MIPOL1: variants seen among roughly 807,000 people sequenced by gnomAD.
MIPOL1 encodes the protein mirror-image polydactyly 1, also known as mirror-image polydactyly gene 1 protein.
MIPOL1 carries 57 observed loss-of-function variants against 60.9 expected under a neutral mutation model. The ratio of observed to expected loss-of-function variants is 0.94; its 90% CI spans 0.76 to 1.17. The LOEUF is 1.17. MIPOL1 is among the 50% of genes most tolerant of loss of function. The pLI is 0.00. For missense variants in MIPOL1, 551 were observed against 511.6 expected, an observed-to-expected ratio of 1.08 and a Z score of -0.74; for synonymous variants, 179 against 168.8, an observed-to-expected ratio of 1.06 and a Z score of -0.47.
At chr14:37,471,038 A>C (rs2094681968) in intron 11 of MIPOL1, among the ~76,000 whole-genome samples, 1 of 152,154 alleles carries the variant, frequency 6.6e-6, no homozygotes. Flanking sequence ...CCCAGAATTC[A>C]CCACTACACA....
intron 9 of MIPOL1, among the ~76,000 whole-genome samples, chr14:37,309,514 C>T (rs556111456): frequency 6.6e-6 from 1 of 152,188 alleles, no homozygotes; most frequent in South Asian, 2.1e-4. Context: ...ATTGCAGCCT[C>T]TTATTTCCTA....
chr14:37,302,247 G>A (rs990261074), intron 7 of MIPOL1, among the ~76,000 whole-genome samples: 2 of 136,630 alleles, frequency 1.5e-5, no homozygotes, highest in Non-Finnish European at 3.1e-5. Context: ...GAATATACAA[G>A]CATTTGGAAC....
chr14:37,413,947 A>G (rs2093721526), intron 10 of MIPOL1, among the ~76,000 whole-genome samples: 2 of 152,200 alleles, frequency 1.3e-5, no homozygotes, highest in Non-Finnish European at 2.9e-5. Flanking sequence ...ACAAAATGTA[A>G]ATATTTACAA....
intron 10 of MIPOL1, among the ~76,000 whole-genome samples, chr14:37,402,335 C>T (rs895240813): frequency 3.3e-5 from 5 of 152,040 alleles, no homozygotes; most frequent in Non-Finnish European, 5.9e-5. Context: ...GGGAGATAAA[C>T]GTACCCCAAA....
intron 3 of MIPOL1, among the ~76,000 whole-genome samples, chr14:37,260,610 G>T (rs1009726981): frequency 1.3e-5 from 2 of 152,136 alleles, no homozygotes; most frequent in African/African-American, 4.8e-5. Context: ...TATGCTGTTT[G>T]TAGAAACAAT....
intron 9 of MIPOL1, among the ~76,000 whole-genome samples, chr14:37,315,508 A>C (rs1347888398): frequency 6.6e-6 from 1 of 152,198 alleles, no homozygotes; most frequent in Non-Finnish European, 1.5e-5. Context: ...GAACAAGTGT[A>C]GATCAAGAAA....
intron 9 of MIPOL1, among the ~76,000 whole-genome samples, chr14:37,351,160 T>C (rs1472588237): frequency 1.4e-5 from 2 of 145,812 alleles, no homozygotes. Context: ...TATGCGGTGT[T>C]TGGTTTTTTG....
chr14:37,541,035 C>G (rs1336753456), intron 12 of MIPOL1, among the ~76,000 whole-genome samples: 1 of 152,204 alleles, frequency 6.6e-6, no homozygotes, highest in African/African-American at 2.4e-5. Context: ...TGCATTCATG[C>G]TGACAAACTT....
At chr14:37,285,595 T>A in intron 7 of MIPOL1, 148 bp downstream of exon 7, 2 of 817,724 alleles carry the variant, frequency 2.4e-6, no homozygotes, top group South Asian at 2.6e-5. Flanking sequence ...TTTTTTCTTT[T>A]CTTTTTTTTT....
At chr14:37,330,639 G>A (rs972430417) in intron 9 of MIPOL1, among the ~76,000 whole-genome samples, 3 of 151,896 alleles carry the variant, frequency 2.0e-5, no homozygotes, top group Non-Finnish European at 4.4e-5. Context: ...TGTAATAAAA[G>A]GGCTGTTATC....
chr14:37,456,695 T>A (rs1043516334), intron 11 of MIPOL1, among the ~76,000 whole-genome samples: 3 of 152,126 alleles, frequency 2.0e-5, no homozygotes, highest in African/African-American at 7.2e-5. Flanking sequence ...ATCTCGTAGT[T>A]GTATTTGTCA....
chr14:37,485,356 T>A (rs930843779), intron 11 of MIPOL1, among the ~76,000 whole-genome samples: 2 of 152,106 alleles, frequency 1.3e-5, no homozygotes, highest in Non-Finnish European at 2.9e-5. Context: ...CCAGTAATGG[T>A]ATTGCTGGGT....
intron 11 of MIPOL1, among the ~76,000 whole-genome samples, chr14:37,448,469 C>G (rs1312295332): frequency 6.6e-6 from 1 of 152,166 alleles, no homozygotes; most frequent in Non-Finnish European, 1.5e-5. Flanking sequence ...TAAATAGGTT[C>G]TAATACATAG....
intron 1 of MIPOL1, among the ~76,000 whole-genome samples, chr14:37,226,103 C>T (rs367845178): frequency 6.6e-6 from 1 of 152,136 alleles, no homozygotes; most frequent in Non-Finnish European, 1.5e-5. Flanking sequence ...GCATTTTGGG[C>T]AAAGCCATTC....
chr14:37,404,267 T>C (rs887945638), intron 10 of MIPOL1, among the ~76,000 whole-genome samples: 9 of 152,152 alleles, frequency 5.9e-5, no homozygotes, highest in Admixed American at 2.6e-4. Flanking sequence ...AAATTCTTTT[T>C]TGGGTTTAGT....
At chr14:37,228,710 A>G (rs1294796119) in intron 1 of MIPOL1, among the ~76,000 whole-genome samples, 2 of 152,190 alleles carry the variant, frequency 1.3e-5, no homozygotes, top group Admixed American at 6.5e-5. Flanking sequence ...CTGAAACAAT[A>G]ATTAAAAAAT....
intron 1 of MIPOL1, among the ~76,000 whole-genome samples, chr14:37,219,018 A>G (rs567348059): frequency 3.0e-4 from 46 of 152,258 alleles, no homozygotes; most frequent in Admixed American, 7.2e-4. Flanking sequence ...AACTAATGCA[A>G]TAGGGGAAAA....
intron 1 of MIPOL1, among the ~76,000 whole-genome samples, chr14:37,201,013 T>C (rs1054905081): frequency 2.0e-5 from 3 of 150,430 alleles, no homozygotes; most frequent in Non-Finnish European, 4.4e-5. Context: ...AGTGATCCTC[T>C]CACCTCGGCT....
intron 7 of MIPOL1, among the ~76,000 whole-genome samples, chr14:37,299,153 T>TGTCCTTGTA (rs1222571438): frequency 6.6e-6 from 1 of 152,112 alleles, no homozygotes; most frequent in African/African-American, 2.4e-5. Context: ...TGTAGGGACA[T>TGTCCTTGTA]GGATGAAGCT....
Sources: allele counts gnomAD v4.1 joint callset (sites outside exome capture counted in the v4.1 genomes callset), GRCh38; gene constraint gnomAD v4.1.1; transcripts MANE v1.5; gene names NCBI Gene and HGNC (gene_info 2026-07-23, HGNC 2026-07-21).